Variants in ANKFN1 observed in about 807,000 individuals in gnomAD.
ANKFN1 encodes ankyrin repeat and fibronectin type-III domain-containing protein 1.
Under a neutral mutation model 108.7 loss-of-function variants are expected in ANKFN1, and 74 were observed. The observed-to-expected ratio is 0.68, with a 90% CI of 0.56 to 0.83. The LOEUF is 0.83. Ranked by LOEUF, ANKFN1 falls within the 40% of genes least tolerant of loss-of-function variation. The probability of loss-of-function intolerance (pLI) is 0.00; values close to 1 mark genes in which losing one functional copy is unlikely to be tolerated. For synonymous variants in ANKFN1, 547 were observed against 516.2 expected (o/e 1.06, Z -0.81); for missense variants, 1,505 against 1,382.3 (o/e 1.09, Z -1.41).
At chr17:56,459,558 C>G (rs1357050426) in intron 14 of ANKFN1, among the ~76,000 whole-genome samples, 1 of 152,204 alleles carries the variant, frequency 6.6e-6, no homozygotes, top group Non-Finnish European at 1.5e-5. Flanking sequence ...CCTCACACTA[C>G]TCTTTCTTTA....
chr17:56,320,850 T>C (rs1432080689), intron 3 of ANKFN1, among the ~76,000 whole-genome samples: 1 of 152,138 alleles, frequency 6.6e-6, no homozygotes, highest in Non-Finnish European at 1.5e-5. Context: ...CACTCTGTCA[T>C]CGGATTGCAC....
chr17:56,369,998 A>G (rs1023015514), intron 6 of ANKFN1, among the ~76,000 whole-genome samples: 15 of 152,222 alleles, frequency 9.9e-5, no homozygotes. Flanking sequence ...TAATTTCTAA[A>G]TAATATGCTT....
intron 1 of ANKFN1, among the ~76,000 whole-genome samples, chr17:56,163,325 A>G (rs966614875): frequency 1.3e-5 from 2 of 152,166 alleles, no homozygotes; most frequent in African/African-American, 4.8e-5. Context: ...CTACGCATAC[A>G]GATTTTCATT....
At chr17:56,201,069 AC>A (rs1465445882) in intron 1 of ANKFN1, among the ~76,000 whole-genome samples, 1 of 152,082 alleles carries the variant, frequency 6.6e-6, no homozygotes, top group Non-Finnish European at 1.5e-5. Context: ...CTCAAGAGTG[AC>A]CCTTTCTAAA....
intron 4 of ANKFN1, among the ~76,000 whole-genome samples, chr17:56,071,452 C>G (rs1007892605): frequency 2.6e-5 from 4 of 152,176 alleles, no homozygotes; most frequent in Non-Finnish European, 1.5e-5. Context: ...AAGAAAAACT[C>G]CCTCAATAAT....
chr17:56,170,394 C>G (rs1280477159), intron 1 of ANKFN1, among the ~76,000 whole-genome samples: 1 of 152,080 alleles, frequency 6.6e-6, no homozygotes, highest in Non-Finnish European at 1.5e-5. Context: ...AGGAGGCAGA[C>G]AGGTTGCTGG....
chr17:56,495,956 A>AC (rs2051188621), intron 19 of ANKFN1, among the ~76,000 whole-genome samples: 1 of 152,156 alleles, frequency 6.6e-6, no homozygotes, highest in Non-Finnish European at 1.5e-5. Flanking sequence ...TGGATGCATA[A>AC]CTTTTAATCA....
intron 3 of ANKFN1, among the ~76,000 whole-genome samples, chr17:56,304,739 T>C (rs1445191596): frequency 6.6e-6 from 1 of 152,240 alleles, no homozygotes; most frequent in Admixed American, 6.5e-5. Flanking sequence ...TGGCTAATGA[T>C]ATTGAATATA....
intron 4 of ANKFN1, among the ~76,000 whole-genome samples, chr17:56,080,012 CTG>C (rs1353421759): frequency 6.6e-6 from 1 of 152,022 alleles, no homozygotes; most frequent in African/African-American, 2.4e-5. Context: ...AGATGAATGT[CTG>C]AGAAACAAGA....
intron 4 of ANKFN1, among the ~76,000 whole-genome samples, chr17:56,346,075 A>G (rs1567931383): frequency 6.6e-6 from 1 of 152,146 alleles, no homozygotes; most frequent in Non-Finnish European, 1.5e-5. Context: ...ATAAGATGTG[A>G]TGAAGGGGTT....
At chr17:56,478,663 T>C (rs1195963147) in intron 16 of ANKFN1, among the ~76,000 whole-genome samples, 2 of 150,930 alleles carry the variant, frequency 1.3e-5, no homozygotes, top group Non-Finnish European at 2.9e-5. Context: ...TGAACTGAAT[T>C]GTGCTCAACA....
At chr17:56,510,269 C>G (rs1296523706) in intron 20 of ANKFN1, among the ~76,000 whole-genome samples, 1 of 152,190 alleles carries the variant, frequency 6.6e-6, no homozygotes, top group East Asian at 1.9e-4. Flanking sequence ...CCAGAGCCCA[C>G]TACATAATTT....
chr17:56,447,307 C>A (rs933774109), intron 10 of ANKFN1, among the ~76,000 whole-genome samples: 1 of 152,090 alleles, frequency 6.6e-6, no homozygotes, highest in Non-Finnish European at 1.5e-5. Flanking sequence ...GGTTCTTGAC[C>A]ACAAGGAACA....
chr17:56,480,061 A>T (rs1470523953), intron 16 of ANKFN1, among the ~76,000 whole-genome samples: 1 of 152,244 alleles, frequency 6.6e-6, no homozygotes, highest in African/African-American at 2.4e-5. Flanking sequence ...ATTATAGAGC[A>T]TGCAGAATAA....
At chr17:56,186,380 C>T (rs1009693320) in intron 1 of ANKFN1, among the ~76,000 whole-genome samples, 3 of 152,134 alleles carry the variant, frequency 2.0e-5, no homozygotes, top group African/African-American at 7.2e-5. Flanking sequence ...CATGTTTGAT[C>T]CTCAATAACG....
chr17:56,189,865 C>A (rs1279460261), intron 1 of ANKFN1, among the ~76,000 whole-genome samples: 2 of 151,954 alleles, frequency 1.3e-5, no homozygotes, highest in African/African-American at 4.8e-5. Context: ...TTCAATGGAA[C>A]AAAATAGAGA....
rs7221457 is a variant in ANKFN1, at chr17:56,094,520, G to A, written c.288+48195G>A. Among the ~76,000 whole-genome samples, 26 of 64,000 alleles carry A rather than the reference G, an allele frequency of 4.1e-4. 1 individual carries two copies. The highest frequency in any genetic ancestry group is 3.6e-3 in the African/African-American group (24 of 6,724). 42.0% of individuals were successfully genotyped at this position (64,000 alleles called of 152,430 possible). ...TTTTGAGGCGAAGTCTTGTTTTGTC[G>A]CCAGGCTGCCAGGCTGCCAGGCTGC... On this transcript the variant is annotated intron_variant, in intron 4 of 12. Coordinates refer to the ANKFN1 transcript ENST00000635860.
intron 10 of ANKFN1, among the ~76,000 whole-genome samples, chr17:56,445,828 C>A (rs543431718): frequency 2.0e-5 from 3 of 152,124 alleles, no homozygotes; most frequent in African/African-American, 7.2e-5. Flanking sequence ...GTCTGAGTTA[C>A]GATCAGGAAA....
At chr17:56,479,427 A>T (rs2050620505) in intron 16 of ANKFN1, among the ~76,000 whole-genome samples, 1 of 152,226 alleles carries the variant, frequency 6.6e-6, no homozygotes, top group East Asian at 1.9e-4. Context: ...AACATTTCCC[A>T]AGCAGGTTCT....
Sources: gnomAD v4.1 joint callset for allele counts (sites outside exome capture counted in the v4.1 genomes callset) on GRCh38, gnomAD v4.1.1 for gene constraint, MANE v1.5 for transcripts, NCBI Gene and HGNC (gene_info 2026-07-23, HGNC 2026-07-21) for gene names.